HYDIN: variants seen among roughly 807,000 people sequenced by gnomAD.
HYDIN encodes the protein HYDIN axonemal central pair apparatus protein.
Under a neutral mutation model 403.9 loss-of-function variants are expected in HYDIN, and 132 were observed. The ratio of observed to expected loss-of-function variants is 0.33; its 90% CI spans 0.28 to 0.38. The LOEUF is 0.38. HYDIN is among the 10% of genes least tolerant of loss of function. The pLI, the probability that HYDIN is intolerant of heterozygous loss-of-function variation, is 1.00. For missense variants in HYDIN, 2,827 were observed against 5,009.5 expected, an observed-to-expected ratio of 0.56 and a Z score of 13.15; for synonymous variants, 1,202 against 1,891.7, an observed-to-expected ratio of 0.64 and a Z score of 9.46.
chr16:71,141,872 A>AT (rs2085186405), intron 7 of HYDIN, among the ~76,000 whole-genome samples: 1 of 152,010 alleles, frequency 6.6e-6, no homozygotes, highest in Non-Finnish European at 1.5e-5. Context: ...AAGCTGCTCA[A>AT]TGCAACACTG....
chr16:70,922,926 C>T (rs544856242), intron 45 of HYDIN, among the ~76,000 whole-genome samples: 68 of 150,300 alleles, frequency 4.5e-4, no homozygotes, highest in African/African-American at 1.5e-3. Flanking sequence ...TGCCACCATG[C>T]CTGGCTAATT....
At chr16:71,066,942 A>G (rs1469720788) in intron 15 of HYDIN, 8 of 655,816 alleles carry the variant, frequency 1.2e-5, no homozygotes, top group South Asian at 1.2e-4. Flanking sequence ...CACTATGTTG[A>G]AAGATGAAAA....
At chr16:70,833,550 TG>T (rs2037163382) in intron 79 of HYDIN, among the ~76,000 whole-genome samples, 1 of 134,296 alleles carries the variant, frequency 7.4e-6, no homozygotes, top group Non-Finnish European at 1.6e-5. Context: ...CATGGCCCTG[TG>T]TGGTCCTCCC....
chr16:70,961,465 A>G (rs1241600818), intron 38 of HYDIN, among the ~76,000 whole-genome samples: 2 of 152,248 alleles, frequency 1.3e-5, no homozygotes, highest in Admixed American at 6.5e-5. Context: ...TATAATGACC[A>G]GCAAATGGCC....
chr16:71,047,380 G>A (rs2081485235), intron 18 of HYDIN, among the ~76,000 whole-genome samples: 1 of 147,520 alleles, frequency 6.8e-6, no homozygotes, highest in Non-Finnish European at 1.5e-5. Context: ...TAAACTGCTG[G>A]AATCTATCTT....
chr16:71,208,455 T>C (rs1406133613), intron 1 of HYDIN, among the ~76,000 whole-genome samples: 1 of 152,044 alleles, frequency 6.6e-6, no homozygotes, highest in Admixed American at 6.6e-5. Context: ...ATCAAAAAGT[T>C]AGAAAGATCT....
chr16:71,093,797 C>G lies in HYDIN; in HGVS notation c.1446+20G>C. ...AGCCAAGTACTGTTTGAAGTATCAACGAACAACTCTAGTGCTTACCTCATA... is the reference window on the plus strand; with the variant it reads ...AGCCAAGTACTGTTTGAAGTATCAAGGAACAACTCTAGTGCTTACCTCATA... On this transcript the variant is annotated intron_variant, in intron 11 of 85. Coordinates refer to ENST00000393567, the MANE Select transcript of HYDIN (RefSeq NM_001270974.2). The G allele has an allele frequency of 6.2e-7, 1 of 1,607,540 alleles. No individual in the cohort carries two copies. The highest frequency in any genetic ancestry group is 8.5e-7 in the Non-Finnish European group (1 of 1,176,658).
At chr16:71,001,841 G>A (rs572342170) in intron 23 of HYDIN, among the ~76,000 whole-genome samples, 488 of 152,202 alleles carry the variant, frequency 3.2e-3, no homozygotes, top group African/African-American at 0.011. Context: ...AGGAAACACT[G>A]TGGAGGAAAT....
intron 41 of HYDIN, among the ~76,000 whole-genome samples, chr16:70,949,932 T>C (rs1597394238): frequency 6.6e-6 from 1 of 152,382 alleles, no homozygotes; most frequent in East Asian, 1.9e-4. Context: ...GATAACACCC[T>C]ATATGGTAAC....
chr16:70,931,754 C>T (rs1425163882), intron 45 of HYDIN, among the ~76,000 whole-genome samples: 1 of 152,154 alleles, frequency 6.6e-6, no homozygotes, highest in East Asian at 1.9e-4. Context: ...GTGGCTCATG[C>T]CTGTAATCCC....
intron 43 of HYDIN, among the ~76,000 whole-genome samples, chr16:70,940,795 A>G (rs1337181809): frequency 6.6e-6 from 1 of 152,212 alleles, no homozygotes; most frequent in Non-Finnish European, 1.5e-5. Flanking sequence ...TTAATTGGAA[A>G]AGCATTATGA....
chr16:70,901,933 G>T (rs2076391998), intron 52 of HYDIN, among the ~76,000 whole-genome samples: 1 of 152,066 alleles, frequency 6.6e-6, no homozygotes, highest in East Asian at 1.9e-4. Context: ...TGTGGGTGCT[G>T]AACAACATTT....
At chr16:71,181,139 A>AT (rs1317827386) in intron 3 of HYDIN, among the ~76,000 whole-genome samples, 2 of 151,538 alleles carry the variant, frequency 1.3e-5, no homozygotes, top group African/African-American at 2.4e-5. Flanking sequence ...ATTAAAAGAA[A>AT]TTTTTTCAGG....
chr16:71,175,610 G>C lies in HYDIN; in HGVS notation c.513C>G (p.Asn171Lys). 1 of 1,613,856 alleles carries C rather than the reference G, an allele frequency of 6.2e-7. No homozygotes were observed. Among genetic ancestry groups the C allele is most frequent in the Non-Finnish European group, 8.5e-7 (1 of 1,179,828 alleles). Residue 171 changes from asparagine (N) to lysine (K), a missense_variant, in exon 5 of 86, where the codon AAC becomes AAG. Coordinates refer to ENST00000393567, the MANE Select transcript of HYDIN (RefSeq NM_001270974.2). ...IFRILFTPEE[N>K]KDYAHTLTCV... is the part of the protein sequence containing the mutation. Reference sequence around the variant, plus strand: ...TTCTTGCCATTCCTGGTATTACCTTGTTCTCCTCTGGAGTAAAGAGGATTC... The same window carrying C: ...TTCTTGCCATTCCTGGTATTACCTTCTTCTCCTCTGGAGTAAAGAGGATTC...
chr16:70,969,401 C>A (rs935176813), intron 36 of HYDIN, among the ~76,000 whole-genome samples: 15 of 152,172 alleles, frequency 9.9e-5, no homozygotes, highest in African/African-American at 2.7e-4. Context: ...GAGATGAAAT[C>A]TTCCCTACAG....
chr16:71,033,680 G>A (rs1221428786), intron 18 of HYDIN, among the ~76,000 whole-genome samples: 3 of 152,096 alleles, frequency 2.0e-5, no homozygotes, highest in Admixed American at 6.5e-5. Flanking sequence ...AATGCATGCT[G>A]GGTTTAATAC....
intron 23 of HYDIN, among the ~76,000 whole-genome samples, chr16:71,005,279 T>C (rs943965760): frequency 6.6e-6 from 1 of 152,158 alleles, no homozygotes; most frequent in Non-Finnish European, 1.5e-5. Flanking sequence ...TGCTGTCCAA[T>C]ACATAGCCAC....
intron 9 of HYDIN, among the ~76,000 whole-genome samples, chr16:71,125,281 T>A (rs573389524): frequency 6.6e-6 from 1 of 151,984 alleles, no homozygotes; most frequent in Non-Finnish European, 1.5e-5. Flanking sequence ...CAGTCCTGAA[T>A]CCCCTCCCAC....
At chr16:71,153,500 G>A (rs2085626934) in intron 6 of HYDIN, among the ~76,000 whole-genome samples, 1 of 152,012 alleles carries the variant, frequency 6.6e-6, no homozygotes, top group Non-Finnish European at 1.5e-5. Flanking sequence ...GCCTTATGGG[G>A]AGCAAGGAGA....
Sources: allele counts gnomAD v4.1 joint callset (sites outside exome capture counted in the v4.1 genomes callset), GRCh38; gene constraint gnomAD v4.1.1; transcripts MANE v1.5; gene names NCBI Gene and HGNC (gene_info 2026-07-23, HGNC 2026-07-21).